Variants in HPF1 observed in about 807,000 individuals in gnomAD.
HPF1 encodes UPF0609 protein C4orf27.
HPF1 carries 35 observed loss-of-function variants against 38.8 expected under a neutral mutation model. That is an observed-to-expected ratio of 0.90 (90% confidence interval 0.69 to 1.19). The LOEUF (loss-of-function observed/expected upper bound fraction) is 1.19. HPF1 is among the 50% of genes most tolerant of loss of function. The pLI, the probability that HPF1 is intolerant of heterozygous loss-of-function variation, is 0.00. For synonymous variants in HPF1, 115 were observed against 139.2 expected (o/e 0.83, Z 1.22); for missense variants, 367 against 405.8 (o/e 0.90, Z 0.82).
chr4:169,745,865 T>C (rs1291564398), intron 4 of HPF1, among the ~76,000 whole-genome samples: 1 of 152,224 alleles, frequency 6.6e-6, no homozygotes, highest in East Asian at 1.9e-4. Flanking sequence ...TGGCACTATC[T>C]TGATTCCTGC....
chr4:169,751,387 G>T (rs1490489514), intron 2 of HPF1, among the ~76,000 whole-genome samples: 4 of 148,446 alleles, frequency 2.7e-5, no homozygotes, highest in Non-Finnish European at 5.9e-5. Context: ...TGGGTGACAG[G>T]GTGAGGCTCT....
At chr4:169,732,070 G>T in intron 6 of HPF1, 194 bp from the exon 7 acceptor site, 1 of 465,014 alleles carries the variant, frequency 2.2e-6, no homozygotes, top group Non-Finnish European at 3.8e-6. Context: ...TAGGATTCAA[G>T]CTTAAAAACA....
chr4:169,756,977 C>A (rs1464473210), intron 1 of HPF1, among the ~76,000 whole-genome samples: 1 of 152,218 alleles, frequency 6.6e-6, no homozygotes, highest in African/African-American at 2.4e-5. Flanking sequence ...GGCCCTTTAA[C>A]AGTTAGTTAA....
chr4:169,729,629 C>T lies in HPF1; in HGVS notation c.990G>A (p.Glu330=). The change falls in exon 8 of 8, where the codon GAG becomes GAA. Residue 330 remains glutamate, a synonymous_variant. Coordinates refer to ENST00000393381, the MANE Select transcript of HPF1 (RefSeq NM_017867.3). ...CTTGACTTCTGTTTGCCAGATGCTCCTCAATAATTTCTGCAAACAGATTCC... is the reference window on the plus strand; with the variant it reads ...CTTGACTTCTGTTTGCCAGATGCTCTTCAATAATTTCTGCAAACAGATTCC... ...LKRNLFAEII[E]EHLANRSQEN... is the part of the protein sequence containing the mutation. 6.3e-7 allele frequency: 1 copy of T among 1,589,584 alleles called. No homozygotes were observed. The highest frequency in any genetic ancestry group is 2.3e-5 in the East Asian group (1 of 43,596).
chr4:169,741,642 C>T (rs1489431772), intron 5 of HPF1, among the ~76,000 whole-genome samples: 1 of 152,178 alleles, frequency 6.6e-6, no homozygotes, highest in Non-Finnish European at 1.5e-5. Flanking sequence ...TACAAAGCAG[C>T]TTTCACTTAA....
At position 169,733,422 on chromosome 4, in the gene HPF1, T is replaced by C. The variant is rs1433690642; in HGVS notation, c.737-1546A>G. 2.0e-5 allele frequency among the ~76,000 whole-genome samples: 3 copies of C among 152,198 alleles called. No homozygotes were observed. In the East Asian group the frequency reaches 5.8e-4, roughly 29 times the overall value. ...AGTACTTCTTTGAGAATGAAAAGAATGGATATTATTCAAACAAACCAACAA... is the reference window on the plus strand; with the variant it reads ...AGTACTTCTTTGAGAATGAAAAGAACGGATATTATTCAAACAAACCAACAA... On this transcript the variant is annotated intron_variant, in intron 6 of 7. Transcript: ENST00000393381.
intron 4 of HPF1, among the ~76,000 whole-genome samples, 174 bp downstream of exon 4, chr4:169,748,570 C>A (rs560182932): frequency 6.6e-6 from 1 of 151,944 alleles, no homozygotes; most frequent in African/African-American, 2.4e-5. Flanking sequence ...ATGGGGTATA[C>A]CCATGTTGTC....
At chr4:169,751,377 T>A (rs1734117063) in intron 2 of HPF1, among the ~76,000 whole-genome samples, 1 of 134,544 alleles carries the variant, frequency 7.4e-6, no homozygotes, top group Non-Finnish European at 1.5e-5. Flanking sequence ...CACTCCAGCC[T>A]GGGTGACAGG....
At chr4:169,735,512 TTAAA>T (rs1285455403) in intron 6 of HPF1, among the ~76,000 whole-genome samples, 2 of 152,138 alleles carry the variant, frequency 1.3e-5, no homozygotes, top group Non-Finnish European at 2.9e-5. Flanking sequence ...TCAAAACTAA[TTAAA>T]TACAGAAGGA....
At chr4:169,756,483 C>T (rs1193761442) in intron 1 of HPF1, among the ~76,000 whole-genome samples, 1 of 152,188 alleles carries the variant, frequency 6.6e-6, no homozygotes, top group African/African-American at 2.4e-5. Flanking sequence ...AAGGCTTAAT[C>T]TGCCTTGCTG....
At chr4:169,730,241 G>A (rs1733812035) in intron 7 of HPF1, among the ~76,000 whole-genome samples, 1 of 152,154 alleles carries the variant, frequency 6.6e-6, no homozygotes, top group East Asian at 1.9e-4. Context: ...CCGTTTTGCT[G>A]ATCATAATAA....
At chr4:169,742,160 A>G in intron 4 of HPF1, 53 bp from the exon 5 acceptor site, 10 of 1,517,552 alleles carry the variant, frequency 6.6e-6, no homozygotes, top group Non-Finnish European at 8.9e-6. Context: ...TACTAAGTAC[A>G]AAGACCTTTC....
At chr4:169,741,866 G>A (rs1441581857) in intron 5 of HPF1, 91 bp downstream of exon 5, 1 of 1,045,146 alleles carries the variant, frequency 9.6e-7, no homozygotes, top group Non-Finnish European at 1.4e-6. Flanking sequence ...ATAGGACTAG[G>A]GAAGAGAAGG....
At chr4:169,733,473 T>C (rs1256616219) in intron 6 of HPF1, among the ~76,000 whole-genome samples, 3 of 152,122 alleles carry the variant, frequency 2.0e-5, no homozygotes, top group East Asian at 3.8e-4. Flanking sequence ...GTGGCTGCCA[T>C]ACTGGGGGAG....
chr4:169,736,576 A>C (rs1199154048), intron 6 of HPF1, among the ~76,000 whole-genome samples: 4 of 152,132 alleles, frequency 2.6e-5, no homozygotes, highest in Non-Finnish European at 5.9e-5. Flanking sequence ...GACTCTGCAC[A>C]GTAAAATTTG....
chr4:169,732,769 A>G (rs56277136), intron 6 of HPF1, among the ~76,000 whole-genome samples: 5,066 of 152,240 alleles, frequency 0.033, 83 homozygotes, highest in East Asian at 0.055. Context: ...GGATTGAAAT[A>G]CTCAGGAAAA....
At chr4:169,751,296 G>C (rs982167556) in intron 2 of HPF1, among the ~76,000 whole-genome samples, 25 of 151,460 alleles carry the variant, frequency 1.7e-4, no homozygotes, top group African/African-American at 6.1e-4. Context: ...CCAGCTATTG[G>C]AGAGGCTGAG....
chr4:169,729,575 T>TA lies in HPF1; in HGVS notation c.*2dup. The TA allele has an allele frequency of 2.6e-6, 4 of 1,522,968 alleles. No homozygotes were observed. Among genetic ancestry groups the TA allele is most frequent in the African/African-American group, 1.4e-5 (1 of 70,870 alleles). The allele number at this position is 1,522,968 out of a possible 1,614,324, so 94.3% of individuals were successfully genotyped here. A position where few individuals can be genotyped will look rare whatever the true frequency, so the allele number is the denominator to read the frequency against. Reference sequence around the variant, plus strand: ...TACTGTACACCAATCAAAGCCACCTTACTCATGCAGCAAGTTGGTCTATGT... The same window carrying TA: ...TACTGTACACCAATCAAAGCCACCTTAACTCATGCAGCAAGTTGGTCTATGT... On this transcript the variant is annotated 3_prime_UTR_variant, in exon 8 of 8. Transcript: ENST00000393381.
chr4:169,736,118 C>T (rs535181859), intron 6 of HPF1, among the ~76,000 whole-genome samples: 1 of 151,826 alleles, frequency 6.6e-6, no homozygotes, highest in African/African-American at 2.4e-5. Context: ...GTGGCTCATG[C>T]CTATAATCCC....
Sources: allele counts gnomAD v4.1 joint callset (sites outside exome capture counted in the v4.1 genomes callset), GRCh38; gene constraint gnomAD v4.1.1; transcripts MANE v1.5; gene names NCBI Gene and HGNC (gene_info 2026-07-23, HGNC 2026-07-21).